The following TRRAP variants were observed in gnomAD, a reference collection of about 807,000 sequenced individuals.
TRRAP encodes the protein transformation/transcription domain-associated protein.
Under a neutral mutation model 438.8 loss-of-function variants are expected in TRRAP, and 41 were observed. That is an observed-to-expected ratio of 0.09 (90% CI 0.07 to 0.12). The LOEUF (loss-of-function observed/expected upper bound fraction) is 0.12. Ranked by LOEUF, TRRAP falls within the 10% of genes least tolerant of loss-of-function variation. TRRAP has a pLI of 1.00. For synonymous variants in TRRAP, 1,994 were observed against 1,962.9 expected (o/e 1.02, Z -0.42); for missense variants, 3,122 against 5,055.1 (o/e 0.62, Z 11.60).
At chr7:98,946,649 C>A (rs1283423872) in intron 33 of TRRAP, among the ~76,000 whole-genome samples, 1 of 151,970 alleles carries the variant, frequency 6.6e-6, no homozygotes, top group Non-Finnish European at 1.5e-5. Context: ...GCACTGACAA[C>A]ACACATGCAC....
chr7:98,988,813 T>C lies in TRRAP; in HGVS notation c.9438T>C (p.Asp3146=), dbSNP rs1314038753. 5.6e-6 allele frequency: 9 copies of C among 1,614,116 alleles called. No individual in the cohort carries two copies. Among genetic ancestry groups the C allele is most frequent in the Non-Finnish European group, 7.6e-6 (9 of 1,180,056 alleles). ...TCTCTGCAGCTGTGCAGATGCACGA[T>C]GTGCTGGTGAAAGCCTGGGCCATGT... ...KAFSAAVQMH[D]VLVKAWAMWG... Residue 3146 remains aspartate, a synonymous_variant, in exon 63 of 73, where the codon GAT becomes GAC. Transcript: ENST00000456197.
rs1554407918 is a variant in TRRAP at position 98,908,677 on chromosome 7, A to C, written c.1116-51A>C. The C allele has an allele frequency of 1.3e-6, 2 of 1,507,888 alleles. No individual in the cohort carries two copies. The highest frequency in any genetic ancestry group is 1.8e-6 in the Non-Finnish European group (2 of 1,120,920). The allele number at this position is 1,507,888 out of a possible 1,614,324, so 93.4% of individuals were successfully genotyped here. ...GGTGATATCCTTGGTGGCCTGCTGC[A>C]GCAGGCATGGCCACGTGGGAATGAG... On this transcript the variant is annotated intron_variant, in intron 13 of 72. Coordinates refer to ENST00000456197, the MANE Select transcript of TRRAP (RefSeq NM_001375524.1). The surrounding 1 kb of genome is among the most constrained non-coding windows in gnomAD (Gnocchi z 4.1).
In TRRAP at chr7:98,956,436, G is replaced by A; in HGVS notation, c.6134G>A (p.Gly2045Glu). 1 of 1,614,218 alleles carries A rather than the reference G, an allele frequency of 6.2e-7. No individual in the cohort carries two copies. The highest frequency in any genetic ancestry group is 8.5e-7 in the Non-Finnish European group (1 of 1,180,048). Residue 2045 changes from glycine (G) to glutamate (E), a missense_variant, in exon 43 of 73, where the codon GGA (glycine) becomes GAA (glutamate). Coordinates refer to ENST00000456197, the MANE Select transcript of TRRAP (RefSeq NM_001375524.1). This position sits in a 1 kb window ranked among gnomAD's most constrained non-coding sequence, Gnocchi z 4.5. ...SDMDPNSSGE[G>E]VNSVSSSIKR... ...ATGGACCCAAATTCCAGTGGAGAAG[G>A]AGTCAATTCTGTCTCATCCTCCATT...
intron 58 of TRRAP, among the ~76,000 whole-genome samples, chr7:98,979,116 CA>C (rs1337102833): frequency 6.6e-6 from 1 of 152,182 alleles, no homozygotes; most frequent in Non-Finnish European, 1.5e-5. Context: ...GAAATAGTCA[CA>C]AACTATGAAC....
At chr7:98,980,674 G>A (rs1792877185) in intron 58 of TRRAP, among the ~76,000 whole-genome samples, 1 of 152,204 alleles carries the variant, frequency 6.6e-6, no homozygotes, top group Non-Finnish European at 1.5e-5. Context: ...ATTTGCACAT[G>A]TTCCCTCATG....
In TRRAP at chr7:98,984,988, A is replaced by G. The variant is rs758802180; in HGVS notation, c.9333A>G (p.Lys3111=). ...CTACAAATTTAAAATACTTCACAAA[A>G]GAGATGACAGCCGAATTTTATGCAC... is the stretch of plus-strand genomic sequence containing the variant. ...IESTNLKYFT[K]EMTAEFYALK... is the part of the protein sequence containing the mutation. Residue 3111 remains lysine (K), a synonymous_variant, in exon 62 of 73, where the codon AAA becomes AAG. Coordinates refer to ENST00000456197, the MANE Select transcript of TRRAP (RefSeq NM_001375524.1). The G allele has an allele frequency of 1.9e-6, 3 of 1,613,868 alleles. No homozygotes were observed. The highest frequency in any genetic ancestry group is 3.3e-5 in the Admixed American group (2 of 60,004).
rs782501460 is a variant in TRRAP at position 98,911,290 on chromosome 7, T to A, written c.2007+19T>A. On this transcript the variant is annotated intron_variant, in intron 17 of 72. Transcript: ENST00000456197. ...TCTTCAGGTATAAAACTCCTTTTTT[T>A]ATGTTGTTTGAACATTACAATTCTT... 2.5e-6 allele frequency: 4 copies of A among 1,587,872 alleles called. No homozygotes were observed. The South Asian group carries it at 3.4e-5, about 14-fold the overall frequency.
At chr7:99,010,953 C>G in intron 70 of TRRAP, 99 bp from the exon 71 acceptor site, 1 of 1,241,740 alleles carries the variant, frequency 8.1e-7, no homozygotes, top group South Asian at 1.4e-5. Context: ...AGAATTTGCT[C>G]TTGGTGCTAA....
chr7:98,977,557 T>C (rs1792721157), intron 56 of TRRAP, among the ~76,000 whole-genome samples: 1 of 152,220 alleles, frequency 6.6e-6, no homozygotes, highest in Non-Finnish European at 1.5e-5. Flanking sequence ...GTATATGACA[T>C]GAGCTAAAGC....
rs553051671 is a variant in TRRAP, at chr7:98,978,972, G to T, written c.8634+68G>T. ...TTTCCTGAAGCTGCAGGTGTCTCTT[G>T]GGAGATTTCCCTTAGAACAAGCATT... On this transcript the variant is annotated intron_variant, in intron 58 of 72. Transcript: ENST00000456197. 209 of 1,593,424 alleles carry T rather than the reference G, an allele frequency of 1.3e-4. No individual in the cohort carries two copies. In the African/African-American group the frequency reaches 2.5e-3, roughly 19 times the overall value.
At chr7:98,964,809 ACT>A (rs749853553) in intron 48 of TRRAP, 34 bp downstream of exon 48, 20 of 1,592,568 alleles carry the variant, frequency 1.3e-5, no homozygotes, top group Non-Finnish European at 1.5e-5. Context: ...CTTTCCTCAG[ACT>A]CTGTTGAACA....
intron 6 of TRRAP, among the ~76,000 whole-genome samples, chr7:98,894,735 C>T (rs1174238465): frequency 6.6e-6 from 1 of 151,108 alleles, no homozygotes; most frequent in Non-Finnish European, 1.5e-5. Context: ...GTCTCAGCCT[C>T]CCCAAGTAGC....
At chr7:98,999,196 T>C in intron 67 of TRRAP, 3 of 1,464,560 alleles carry the variant, frequency 2.0e-6, no homozygotes, top group East Asian at 2.3e-5. Flanking sequence ...GTCCTTCAGA[T>C]AGGCTTTGCA....
At chr7:98,961,957 G>A (rs184153773) in intron 46 of TRRAP, among the ~76,000 whole-genome samples, 1 of 152,320 alleles carries the variant, frequency 6.6e-6, no homozygotes, top group East Asian at 1.9e-4. Flanking sequence ...ACTGAATGTT[G>A]TCTGCTTTGG....
chr7:98,976,393 G>T lies in TRRAP; in HGVS notation c.7960-90G>T. 1 of 1,569,322 alleles carries T rather than the reference G, an allele frequency of 6.4e-7. No individual in the cohort carries two copies. The highest frequency in any genetic ancestry group is 8.6e-7 in the Non-Finnish European group (1 of 1,160,622). ...GGGAACCGCTGGCTGTCACTCGAGC[G>T]AATTAGGAAAGGTATTCTTGCATCG... On this transcript the variant is annotated intron_variant, in intron 54 of 72. Transcript: ENST00000456197. The surrounding 1 kb of genome is among the most constrained non-coding windows in gnomAD (Gnocchi z 4.6).
chr7:98,957,852 TC>T (rs1791692965), intron 43 of TRRAP, 128 bp from the exon 44 acceptor site: 1 of 757,126 alleles, frequency 1.3e-6, no homozygotes, highest in Non-Finnish European at 2.3e-6. Context: ...GTCTTTGGTA[TC>T]CCCAGCGCCC....
chr7:98,964,501 C>T, intron 47 of TRRAP, 128 bp from the exon 48 acceptor site: 1 of 1,083,808 alleles, frequency 9.2e-7, no homozygotes, highest in Non-Finnish European at 1.3e-6. Context: ...TGTAAAAGCT[C>T]ACAGTGTTGA....
At chr7:98,943,251 A>G (rs537215782) in intron 31 of TRRAP, among the ~76,000 whole-genome samples, 6 of 152,326 alleles carry the variant, frequency 3.9e-5, no homozygotes, top group African/African-American at 1.4e-4. Flanking sequence ...TCACTTTAAT[A>G]TGACTCTTCT....
At chr7:98,893,524 AT>A (rs1796067339) in intron 5 of TRRAP, among the ~76,000 whole-genome samples, 1 of 152,172 alleles carries the variant, frequency 6.6e-6, no homozygotes, top group Non-Finnish European at 1.5e-5. Context: ...GGAAAGTGTC[AT>A]TTGGGCCATG....
Sources: gnomAD v4.1 joint callset for allele counts (sites outside exome capture counted in the v4.1 genomes callset) on GRCh38, gnomAD v4.1.1 for gene constraint, Gnocchi (gnomAD v3.1) non-coding constraint, MANE v1.5 for transcripts, NCBI Gene and HGNC (gene_info 2026-07-23, HGNC 2026-07-21) for gene names.